SNTB1: variants seen among roughly 807,000 people sequenced by gnomAD.
SNTB1 encodes syntrophin beta 1.
SNTB1 carries 36 observed loss-of-function variants against 48.9 expected under a neutral mutation model. The observed-to-expected ratio is 0.74, with a 90% CI of 0.56 to 0.97. The LOEUF (loss-of-function observed/expected upper bound fraction) is 0.97. Among genes scored for constraint, SNTB1 ranks in the 50% least tolerant of loss-of-function variants. The probability of loss-of-function intolerance (pLI) is 0.00; values close to 1 mark genes in which losing one functional copy is unlikely to be tolerated. For synonymous variants in SNTB1, 299 were observed against 294.6 expected (o/e 1.01, Z -0.15); for missense variants, 786 against 703.4 (o/e 1.12, Z -1.33).
At chr8:120,577,581 G>A (rs1815971977) in intron 3 of SNTB1, among the ~76,000 whole-genome samples, 1 of 152,096 alleles carries the variant, frequency 6.6e-6, no homozygotes, top group African/African-American at 2.4e-5. Context: ...AATAGGACTG[G>A]AGAAGCTACA....
intron 1 of SNTB1, among the ~76,000 whole-genome samples, chr8:120,783,950 G>A (rs1021231215): frequency 1.3e-5 from 2 of 152,038 alleles, no homozygotes; most frequent in African/African-American, 2.4e-5. Context: ...AAGTATATGG[G>A]AAAATGTGTG....
At chr8:120,732,928 T>C (rs1818875574) in intron 1 of SNTB1, among the ~76,000 whole-genome samples, 1 of 152,200 alleles carries the variant, frequency 6.6e-6, no homozygotes, top group Non-Finnish European at 1.5e-5. Context: ...CTGTCTATGC[T>C]TTAAGGAGTT....
At chr8:120,779,794 G>A (rs1819801677) in intron 1 of SNTB1, among the ~76,000 whole-genome samples, 1 of 152,292 alleles carries the variant, frequency 6.6e-6, no homozygotes, top group Non-Finnish European at 1.5e-5. Context: ...AGTGAAAGAT[G>A]ATAGTTTTGG....
intron 1 of SNTB1, among the ~76,000 whole-genome samples, chr8:120,694,859 T>C (rs1387161785): frequency 1.3e-5 from 2 of 152,254 alleles, no homozygotes; most frequent in South Asian, 4.1e-4. Flanking sequence ...TTCATATCAT[T>C]TTCATGTTTA....
intron 3 of SNTB1, among the ~76,000 whole-genome samples, chr8:120,606,276 T>C (rs1007587035): frequency 2.0e-5 from 3 of 147,620 alleles, no homozygotes; most frequent in African/African-American, 7.4e-5. Context: ...CATAATTATA[T>C]AATTATATAT....
intron 2 of SNTB1, among the ~76,000 whole-genome samples, chr8:120,686,636 C>T (rs536161354): frequency 6.6e-6 from 1 of 151,958 alleles, no homozygotes; most frequent in Non-Finnish European, 1.5e-5. Context: ...AAAGAAGGAA[C>T]CTGAAAATCA....
chr8:120,713,831 G>A lies in SNTB1; in HGVS notation c.572-19923C>T, dbSNP rs182314890. Among the ~76,000 whole-genome samples the A allele has an allele frequency of 2.7e-3, 417 of 152,278 alleles. 2 individuals are homozygous for A. Among genetic ancestry groups the A allele is most frequent in the Admixed American group, 4.5e-3 (69 of 15,302 alleles). Reference sequence around the variant, plus strand: ...GTTTAAGATTCACTTATGTTGTGGTGTGTAATTACAGTTCATTCCCATTAA... The same window carrying A: ...GTTTAAGATTCACTTATGTTGTGGTATGTAATTACAGTTCATTCCCATTAA... On this transcript the variant is annotated intron_variant, in intron 1 of 6. Coordinates refer to ENST00000517992, the MANE Select transcript of SNTB1 (RefSeq NM_021021.4).
chr8:120,712,414 CA>C (rs370583854), intron 1 of SNTB1, among the ~76,000 whole-genome samples: 1,125 of 81,342 alleles, frequency 0.014, 6 homozygotes, highest in African/African-American at 0.034. Flanking sequence ...GACTCCATCT[CA>C]AAAAAAAAAA....
At chr8:120,635,917 C>CT in intron 2 of SNTB1, 1 of 453,988 alleles carries the variant, frequency 2.2e-6, no homozygotes, top group African/African-American at 2.2e-5. Context: ...TCTTTATTTC[C>CT]TTTTTGCTAA....
chr8:120,656,308 A>T (rs1397429953), intron 2 of SNTB1, among the ~76,000 whole-genome samples: 1 of 152,190 alleles, frequency 6.6e-6, no homozygotes. Flanking sequence ...GTATTCTGCT[A>T]AGCTCTGAGG....
At chr8:120,711,176 C>A (rs1430130577) in intron 1 of SNTB1, among the ~76,000 whole-genome samples, 1 of 152,146 alleles carries the variant, frequency 6.6e-6, no homozygotes, top group Non-Finnish European at 1.5e-5. Context: ...CTGAAAAAAT[C>A]TCAAATCACT....
intron 1 of SNTB1, among the ~76,000 whole-genome samples, chr8:120,712,010 C>A (rs1818471687): frequency 6.6e-6 from 1 of 152,098 alleles, no homozygotes. Flanking sequence ...TCCAAGTTTG[C>A]AATCATTTAC....
rs61318757 is a variant in SNTB1 at position 120,614,976 on chromosome 8, T to TAAA, written c.996+17465_996+17467dup. ...CAACATGGTGAAATCTCACCTCTAC[T>TAAA]AAAAAAAAAAAAAAAAAAAAAAAAA... On this transcript the variant is annotated intron_variant, in intron 3 of 6. Transcript: ENST00000517992. 7.6e-3 allele frequency among the ~76,000 whole-genome samples: 553 copies of TAAA among 73,236 alleles called. 17 individuals carry two copies. The highest frequency in any genetic ancestry group is 0.013 in the Middle Eastern group (1 of 78). 48.0% of individuals were successfully genotyped at this position (73,236 alleles called of 152,430 possible). A position where few individuals can be genotyped will look rare whatever the true frequency, so the allele number is the denominator to read the frequency against.
At chr8:120,648,549 T>C (rs1001218470) in intron 2 of SNTB1, among the ~76,000 whole-genome samples, 2 of 152,176 alleles carry the variant, frequency 1.3e-5, no homozygotes, top group South Asian at 2.1e-4. Flanking sequence ...GTTAGTCTGA[T>C]GGGCTTCCCT....
At chr8:120,796,692 G>C (rs2130167680) in intron 1 of SNTB1, among the ~76,000 whole-genome samples, 1 of 152,040 alleles carries the variant, frequency 6.6e-6, no homozygotes, top group Admixed American at 6.6e-5. Context: ...AAATAGGCAG[G>C]GGCAGACAGG....
intron 2 of SNTB1, among the ~76,000 whole-genome samples, chr8:120,662,745 G>T (rs571225418): frequency 6.6e-6 from 1 of 152,178 alleles, no homozygotes; most frequent in South Asian, 2.1e-4. Flanking sequence ...TGTATGAGGG[G>T]TGTTTATCAA....
chr8:120,718,674 TG>T (rs1342467453), intron 1 of SNTB1, among the ~76,000 whole-genome samples: 1 of 152,046 alleles, frequency 6.6e-6, no homozygotes, highest in Non-Finnish European at 1.5e-5. Flanking sequence ...AATAAGGACT[TG>T]GGGTGGTTTG....
chr8:120,608,808 CTTTAT>C (rs1241057463), intron 3 of SNTB1, among the ~76,000 whole-genome samples: 1 of 152,088 alleles, frequency 6.6e-6, no homozygotes, highest in Non-Finnish European at 1.5e-5. Flanking sequence ...AAAAGGAGTA[CTTTAT>C]GAAGAAGGAA....
intron 2 of SNTB1, among the ~76,000 whole-genome samples, chr8:120,661,723 C>A (rs1356973218): frequency 6.6e-6 from 1 of 152,164 alleles, no homozygotes; most frequent in East Asian, 1.9e-4. Flanking sequence ...GTTCAACTCC[C>A]ACTTATGAGT....
Sources: gnomAD v4.1 joint callset for allele counts (sites outside exome capture counted in the v4.1 genomes callset) on GRCh38, gnomAD v4.1.1 for gene constraint, MANE v1.5 for transcripts, NCBI Gene and HGNC (gene_info 2026-07-23, HGNC 2026-07-21) for gene names.